The following DNAJC27 variants were observed in gnomAD, a reference collection of about 807,000 sequenced individuals.
DNAJC27 encodes dnaJ homolog subfamily C member 27.
DNAJC27 carries 25 observed loss-of-function variants against 31.4 expected under a neutral mutation model. That is an observed-to-expected ratio of 0.80 (90% CI 0.58 to 1.11). DNAJC27 has a LOEUF of 1.11. DNAJC27 is among the 50% of genes most tolerant of loss of function. The pLI is 0.00. For missense variants in DNAJC27, 356 were observed against 347.3 expected, an observed-to-expected ratio of 1.02 and a Z score of -0.20; for synonymous variants, 106 against 112.7, an observed-to-expected ratio of 0.94 and a Z score of 0.37.
chr2:24,944,727 T>C lies in DNAJC27; in HGVS notation c.*2889A>G, dbSNP rs1487620595. ...TAACAATGCTGAAGTCAAAGAAATA[T>C]TGACAGCTGAGATATCAATTCAAAA... On this transcript the variant is annotated 3_prime_UTR_variant, in exon 7 of 7. Transcript: ENST00000264711. The C allele has an allele frequency of 6.6e-6, 1 of 152,566 alleles. No homozygotes were observed. Among genetic ancestry groups the C allele is most frequent in the East Asian group, 1.9e-4 (1 of 5,200 alleles). The allele number at this position is 152,566 out of a possible 1,614,324, so 9.5% of individuals were successfully genotyped here. A position where few individuals can be genotyped will look rare whatever the true frequency, so the allele number is the denominator to read the frequency against.
At chr2:24,951,276 A>G (rs757355421) in intron 6 of DNAJC27, 118 bp downstream of exon 6, 16 of 1,065,646 alleles carry the variant, frequency 1.5e-5, no homozygotes, top group African/African-American at 4.7e-5. Flanking sequence ...ATTCTAATAT[A>G]TTTTCATACA....
intron 1 of DNAJC27, 190 bp downstream of exon 1, chr2:24,971,628 A>AG: frequency 2.0e-6 from 1 of 502,428 alleles, no homozygotes; most frequent in Non-Finnish European, 3.6e-6. Context: ...TCGGAGGACG[A>AG]GGGGGCAACG....
chr2:24,963,398 T>G lies in DNAJC27; in HGVS notation c.240+7A>C. The G allele has an allele frequency of 6.2e-7, 1 of 1,612,716 alleles. No individual in the cohort carries two copies. Among genetic ancestry groups the G allele is most frequent in the East Asian group, 2.2e-5 (1 of 44,846 alleles). ...GGATATAGGTTTTGTCAAAAAGGCT[T>G]TCTTACCTCATAGAAGAAGGGATGT... is the stretch of plus-strand genomic sequence containing the variant. On this transcript the variant is annotated splice_region_variant and intron_variant, in intron 3 of 6. Coordinates refer to ENST00000264711, the MANE Select transcript of DNAJC27 (RefSeq NM_016544.3).
chr2:24,971,640 A>G (rs1419871622), intron 1 of DNAJC27, 178 bp downstream of exon 1: 4 of 512,680 alleles, frequency 7.8e-6, no homozygotes, highest in Non-Finnish European at 1.4e-5. Context: ...GGGGCAACGG[A>G]AAGGTCAAAA....
chr2:24,952,492 C>T (rs910238161), intron 5 of DNAJC27, among the ~76,000 whole-genome samples: 3 of 152,152 alleles, frequency 2.0e-5, no homozygotes, highest in Non-Finnish European at 4.4e-5. Flanking sequence ...GTAACCAACT[C>T]TCTATTCTTG....
chr2:24,956,999 A>G, intron 5 of DNAJC27, 44 bp downstream of exon 5: 1 of 1,575,898 alleles, frequency 6.3e-7, no homozygotes, highest in Non-Finnish European at 8.6e-7. Flanking sequence ...AAATTGGCAC[A>G]GTGGCCTTGA....
At chr2:24,967,422 G>C (rs760707548) in intron 1 of DNAJC27, 129 bp from the exon 2 acceptor site, 1 of 723,096 alleles carries the variant, frequency 1.4e-6, no homozygotes, top group Non-Finnish European at 2.3e-6. Context: ...CAAAAGTGGC[G>C]GGGCGCGGTG....
intron 2 of DNAJC27, among the ~76,000 whole-genome samples, chr2:24,964,347 G>A (rs1666124587): frequency 6.6e-6 from 1 of 151,576 alleles, no homozygotes; most frequent in Non-Finnish European, 1.5e-5. Context: ...GCATGAACCC[G>A]GGAGGTGGAG....
chr2:24,970,725 T>C (rs1666310661), intron 1 of DNAJC27, among the ~76,000 whole-genome samples: 1 of 151,658 alleles, frequency 6.6e-6, no homozygotes, highest in Admixed American at 6.6e-5. Flanking sequence ...AAAGTGCTGA[T>C]GTATTACAGG....
At chr2:24,959,847 C>T (rs1474412299) in intron 3 of DNAJC27, among the ~76,000 whole-genome samples, 9 of 152,190 alleles carry the variant, frequency 5.9e-5, no homozygotes, top group Admixed American at 5.2e-4. Flanking sequence ...TTTCATAGTG[C>T]CATCACTTCC....
chr2:24,966,828 C>T (rs957438931), intron 2 of DNAJC27, among the ~76,000 whole-genome samples: 2 of 152,166 alleles, frequency 1.3e-5, no homozygotes, highest in Non-Finnish European at 2.9e-5. Context: ...GAAAATGTTC[C>T]ACACAATATT....
intron 2 of DNAJC27, among the ~76,000 whole-genome samples, chr2:24,963,708 T>G (rs1666107653): frequency 6.6e-6 from 1 of 152,198 alleles, no homozygotes; most frequent in Admixed American, 6.5e-5. Flanking sequence ...ATTACTTCAC[T>G]TTCACCTTCA....
intron 3 of DNAJC27, among the ~76,000 whole-genome samples, chr2:24,961,237 T>C (rs1036628782): frequency 6.6e-6 from 1 of 152,226 alleles, no homozygotes; most frequent in Non-Finnish European, 1.5e-5. Context: ...ACAGCAGATC[T>C]GTTTAAGCAT....
At chr2:24,963,616 T>C (rs1231361199) in intron 2 of DNAJC27, 142 bp from the exon 3 acceptor site, 12 of 611,780 alleles carry the variant, frequency 2.0e-5, no homozygotes, top group Non-Finnish European at 2.5e-5. Flanking sequence ...AGATCATCTT[T>C]ACAATAGCAG....
At chr2:24,954,703 C>T (rs527467648) in intron 5 of DNAJC27, among the ~76,000 whole-genome samples, 67 of 152,228 alleles carry the variant, frequency 4.4e-4, no homozygotes, top group African/African-American at 1.4e-3. Context: ...TGTGGGAGGC[C>T]GAGGCGGGCG....
intron 6 of DNAJC27, among the ~76,000 whole-genome samples, 160 bp downstream of exon 6, chr2:24,951,234 T>C (rs1665767276): frequency 6.6e-6 from 1 of 152,252 alleles, no homozygotes; most frequent in Non-Finnish European, 1.5e-5. Context: ...TTTTGTCTCT[T>C]TGGTATTCAG....
At chr2:24,970,202 T>A (rs80098057) in intron 1 of DNAJC27, among the ~76,000 whole-genome samples, 2 of 152,174 alleles carry the variant, frequency 1.3e-5, no homozygotes, top group Non-Finnish European at 2.9e-5. Context: ...TATTAATTTG[T>A]GGGTAATAAT....
rs951409703 is a variant in DNAJC27, at chr2:24,957,216, T to C, written c.406-51A>G. The C allele has an allele frequency of 3.9e-6, 6 of 1,530,012 alleles. No homozygotes were observed. The African/African-American group carries it at 5.6e-5, about 14-fold the overall frequency. 94.8% of individuals were successfully genotyped at this position (1,530,012 alleles called of 1,614,324 possible). On this transcript the variant is annotated intron_variant, in intron 4 of 6. Transcript: ENST00000264711. ...AGAGAAGATTACAATCTTGTCCTACTAGAATGGACCCAGTGAGGGTCTCTG... is the reference window on the plus strand; with the variant it reads ...AGAGAAGATTACAATCTTGTCCTACCAGAATGGACCCAGTGAGGGTCTCTG...
intron 6 of DNAJC27, 79 bp from the exon 7 acceptor site, chr2:24,947,827 G>A (rs769641787): frequency 1.5e-5 from 22 of 1,504,662 alleles, no homozygotes; most frequent in Non-Finnish European, 2.0e-5. Flanking sequence ...GACACACATA[G>A]TATCTCTTAC....
Sources: allele counts gnomAD v4.1 joint callset (sites outside exome capture counted in the v4.1 genomes callset), GRCh38; gene constraint gnomAD v4.1.1; transcripts MANE v1.5; gene names NCBI Gene and HGNC (gene_info 2026-07-23, HGNC 2026-07-21).